GMDS: variants seen among roughly 807,000 people sequenced by gnomAD.
The protein encoded by GMDS is GDP-mannose 4,6-dehydratase, also known as GDP-mannose 4,6 dehydratase.
In GMDS, 20 loss-of-function variants were observed where a neutral mutation model predicts 49.9. The ratio of observed to expected loss-of-function variants is 0.40; its 90% CI spans 0.28 to 0.58. GMDS has a LOEUF of 0.58. Among genes scored for constraint, GMDS ranks in the 20% least tolerant of loss-of-function variants. GMDS has a pLI of 0.42. For synonymous variants in GMDS, 177 were observed against 178.6 expected (o/e 0.99, Z 0.07); for missense variants, 362 against 481.4 (o/e 0.75, Z 2.32).
At chr6:2,177,134 A>C (rs940382750) in intron 1 of GMDS, among the ~76,000 whole-genome samples, 10 of 152,216 alleles carry the variant, frequency 6.6e-5, no homozygotes, top group Non-Finnish European at 2.9e-5. Context: ...TCAGAGACTA[A>C]GAAGAAGGGG....
At chr6:1,983,951 T>C (rs1313318793) in intron 4 of GMDS, among the ~76,000 whole-genome samples, 1 of 152,098 alleles carries the variant, frequency 6.6e-6, no homozygotes, top group Admixed American at 6.6e-5. Flanking sequence ...TTCATATTAG[T>C]AAAGGCATGG....
At chr6:1,996,490 T>C (rs1329492586) in intron 4 of GMDS, among the ~76,000 whole-genome samples, 3 of 152,184 alleles carry the variant, frequency 2.0e-5, no homozygotes, top group Admixed American at 6.5e-5. Context: ...AAGATGAAGG[T>C]TTATTTCTCT....
chr6:2,106,345 A>G (rs1774240732), intron 4 of GMDS, among the ~76,000 whole-genome samples: 2 of 152,224 alleles, frequency 1.3e-5, no homozygotes, highest in Admixed American at 6.5e-5. Context: ...AACTTTAAGG[A>G]TCCAACTTTA....
At chr6:1,757,783 C>T (rs900325985) in intron 7 of GMDS, among the ~76,000 whole-genome samples, 1 of 152,194 alleles carries the variant, frequency 6.6e-6, no homozygotes, top group Non-Finnish European at 1.5e-5. Context: ...TATTCTAAAA[C>T]AGCACTGCCC....
At position 1,624,441 on chromosome 6, in the gene GMDS, G is replaced by A. The variant is rs1017981662; in HGVS notation, c.1056+31C>T. The A allele has an allele frequency of 3.8e-6, 6 of 1,590,350 alleles. No individual in the cohort carries two copies. In the African/African-American group the frequency reaches 4.0e-5, roughly 11 times the overall value. On this transcript the variant is annotated intron_variant, in intron 10 of 10. Coordinates refer to ENST00000380815, the MANE Select transcript of GMDS (RefSeq NM_001500.4). ...CCGCCCTGCAGCCCGGGGCCCCGCA[G>A]CGGGCGGCGTGCGCCCTAAGAGATA...
intron 8 of GMDS, among the ~76,000 whole-genome samples, chr6:1,733,883 G>T (rs998834776): frequency 6.6e-6 from 1 of 152,110 alleles, no homozygotes; most frequent in South Asian, 2.1e-4. Flanking sequence ...AGGGCTGAGT[G>T]GGGAGGCTGA....
chr6:1,961,532 G>A (rs1334782110), intron 4 of GMDS, among the ~76,000 whole-genome samples: 2 of 152,154 alleles, frequency 1.3e-5, no homozygotes, highest in East Asian at 3.8e-4. Flanking sequence ...AGATGCTAAT[G>A]TATATATGAA....
At chr6:1,795,159 T>A (rs762464205) in intron 7 of GMDS, among the ~76,000 whole-genome samples, 6 of 152,170 alleles carry the variant, frequency 3.9e-5, no homozygotes, top group Non-Finnish European at 8.8e-5. Flanking sequence ...GAGACAGCAC[T>A]ACTGCACTCT....
chr6:1,848,903 T>C (rs115442389), intron 7 of GMDS, among the ~76,000 whole-genome samples: 4,235 of 152,304 alleles, frequency 0.028, 195 homozygotes, highest in African/African-American at 0.096. Flanking sequence ...GTGGCATCAC[T>C]GACGTTTTGG....
At chr6:1,711,406 C>T (rs1317780359) in intron 9 of GMDS, among the ~76,000 whole-genome samples, 1 of 152,238 alleles carries the variant, frequency 6.6e-6, no homozygotes, top group Non-Finnish European at 1.5e-5. Context: ...AGGGTAGCCA[C>T]CCTTGACAAA....
chr6:2,118,539 C>A (rs961602934), intron 2 of GMDS, among the ~76,000 whole-genome samples: 1 of 152,038 alleles, frequency 6.6e-6, no homozygotes, highest in African/African-American at 2.4e-5. Flanking sequence ...ATTCCAAATA[C>A]GGAGGTAAAT....
intron 9 of GMDS, among the ~76,000 whole-genome samples, chr6:1,681,544 T>C (rs1044338850): frequency 2.0e-5 from 3 of 152,022 alleles, no homozygotes; most frequent in African/African-American, 7.3e-5. Context: ...AGGCGCACAG[T>C]GGGAACAGTC....
At chr6:1,978,373 G>A (rs1190089131) in intron 4 of GMDS, among the ~76,000 whole-genome samples, 1 of 152,068 alleles carries the variant, frequency 6.6e-6, no homozygotes, top group Non-Finnish European at 1.5e-5. Flanking sequence ...AAGAGGAAAG[G>A]GCCACCACCT....
intron 7 of GMDS, among the ~76,000 whole-genome samples, chr6:1,859,870 T>A (rs1758104103): frequency 6.6e-6 from 1 of 152,252 alleles, no homozygotes; most frequent in Non-Finnish European, 1.5e-5. Context: ...TATTATTTAA[T>A]GCCTTCAAAC....
intron 6 of GMDS, among the ~76,000 whole-genome samples, chr6:1,943,554 T>G (rs1762917079): frequency 6.6e-6 from 1 of 152,230 alleles, no homozygotes; most frequent in Middle Eastern, 3.2e-3. Context: ...GGAAGGTATC[T>G]TTACATTTAC....
intron 7 of GMDS, among the ~76,000 whole-genome samples, chr6:1,919,944 G>A (rs1366051509): frequency 2.6e-5 from 4 of 152,210 alleles, no homozygotes; most frequent in South Asian, 2.1e-4. Flanking sequence ...GAAGTCAACA[G>A]GTAGAAAACT....
intron 7 of GMDS, among the ~76,000 whole-genome samples, chr6:1,884,023 A>G (rs1046308155): frequency 6.6e-6 from 1 of 152,202 alleles, no homozygotes; most frequent in African/African-American, 2.4e-5. Context: ...TTTAACTAGT[A>G]AAGATTTTGA....
At chr6:2,214,182 T>C (rs1780208540) in intron 1 of GMDS, among the ~76,000 whole-genome samples, 1 of 152,210 alleles carries the variant, frequency 6.6e-6, no homozygotes, top group Non-Finnish European at 1.5e-5. Flanking sequence ...ATTCCATGAA[T>C]TCATAATGGT....
chr6:2,162,288 C>T (rs913391916), intron 1 of GMDS, among the ~76,000 whole-genome samples: 1 of 152,098 alleles, frequency 6.6e-6, no homozygotes, highest in African/African-American at 2.4e-5. Context: ...TAAGCCACAG[C>T]GTAGGGAGGC....
Sources: allele counts gnomAD v4.1 joint callset (sites outside exome capture counted in the v4.1 genomes callset), GRCh38; gene constraint gnomAD v4.1.1; transcripts MANE v1.5; gene names NCBI Gene and HGNC (gene_info 2026-07-23, HGNC 2026-07-21).